The following KCNMA1 variants were observed in gnomAD, a reference collection of about 807,000 sequenced individuals.
The protein encoded by KCNMA1 is potassium calcium-activated channel subfamily M alpha 1.
In KCNMA1, 29 loss-of-function variants were observed where a neutral mutation model predicts 140.0. That is an observed-to-expected ratio of 0.21 (90% CI 0.15 to 0.28). The LOEUF is 0.28. KCNMA1 is among the 10% of genes least tolerant of loss of function. The pLI, the probability that KCNMA1 is intolerant of heterozygous loss-of-function variation, is 1.00. For missense variants in KCNMA1, 880 were observed against 1,602.2 expected (o/e 0.55, Z 7.70); for synonymous variants, 612 against 611.9 (o/e 1.00, Z 0.00).
In KCNMA1 at chr10:77,403,980, G is replaced by A. The variant is rs1002138627; in HGVS notation, c.422C>T (p.Thr141Ile). The A allele has an allele frequency of 1.9e-6, 3 of 1,614,044 alleles. No individual in the cohort carries two copies. Among genetic ancestry groups the A allele is most frequent in the East Asian group, 2.2e-5 (1 of 44,874 alleles). ...INNGSSQADG[T>I]LKPVDEKEEA... is the part of the protein sequence containing the mutation. ...CTCTTTTTCATCCACTGGTTTGAGAGTGCCATCCGCCTGGCTTGAGCCATT... is the reference window on the plus strand; with the variant it reads ...CTCTTTTTCATCCACTGGTTTGAGAATGCCATCCGCCTGGCTTGAGCCATT... Residue 141 changes from threonine to isoleucine, a missense_variant, in exon 2 of 28, where the codon ACT (threonine) becomes ATT (isoleucine). By Grantham distance (89) the Thr-to-Ile change is moderately conservative. Around this residue, in one of 13 missense-constraint regions of KCNMA1, gnomAD observed 54 missense variants for 56.4 expected, o/e 0.96. Transcript: ENST00000286628.
intron 1 of KCNMA1, among the ~76,000 whole-genome samples, chr10:77,486,293 C>T (rs757195753): frequency 1.3e-5 from 2 of 152,090 alleles, no homozygotes; most frequent in Non-Finnish European, 2.9e-5. Context: ...AGAGCAGGAC[C>T]GCAGAGAATG....
chr10:77,372,538 C>G (rs977798422), intron 2 of KCNMA1, among the ~76,000 whole-genome samples: 1 of 152,140 alleles, frequency 6.6e-6, no homozygotes, highest in Non-Finnish European at 1.5e-5. Flanking sequence ...TCTCTCTAGG[C>G]GCCGCAGTCC....
intron 3 of KCNMA1, among the ~76,000 whole-genome samples, chr10:77,205,225 C>T (rs1011282266): frequency 2.6e-5 from 4 of 152,178 alleles, no homozygotes; most frequent in African/African-American, 7.2e-5. Flanking sequence ...TCTCTCTTTG[C>T]TTCAAATGAT....
chr10:77,586,688 A>G (rs1274566092), intron 1 of KCNMA1, among the ~76,000 whole-genome samples: 1 of 152,234 alleles, frequency 6.6e-6, no homozygotes, highest in African/African-American at 2.4e-5. Context: ...TTCCCTCCAC[A>G]TAAAACATGT....
chr10:77,412,650 T>G (rs999198414), intron 1 of KCNMA1, among the ~76,000 whole-genome samples: 8 of 151,860 alleles, frequency 5.3e-5, no homozygotes, highest in African/African-American at 1.7e-4. Context: ...CATTGTGAGG[T>G]GCCCCAGGGG....
chr10:77,438,550 C>T (rs557216075), intron 1 of KCNMA1, among the ~76,000 whole-genome samples: 4 of 145,754 alleles, frequency 2.7e-5, no homozygotes, highest in East Asian at 2.0e-4. Context: ...GCAACAAGAG[C>T]GAAACTCTGT....
chr10:77,093,491 C>A (rs2096862010), intron 9 of KCNMA1, among the ~76,000 whole-genome samples: 1 of 152,106 alleles, frequency 6.6e-6, no homozygotes, highest in South Asian at 2.1e-4. Context: ...TGTTTGAATG[C>A]AGTTAGAATT....
chr10:77,254,166 T>C lies in KCNMA1; in HGVS notation c.541-2910A>G, dbSNP rs571626653. On this transcript the variant is annotated intron_variant, in intron 2 of 27. Coordinates refer to ENST00000286628, the MANE Select transcript of KCNMA1 (RefSeq NM_001161352.2). ...TCACCTAAGTATTTAACATATCCTATACATAAGGCCCAAGAAAAACAGAAG... is the reference window on the plus strand; with the variant it reads ...TCACCTAAGTATTTAACATATCCTACACATAAGGCCCAAGAAAAACAGAAG... Among the ~76,000 whole-genome samples, 4 of 151,526 alleles carry C rather than the reference T, an allele frequency of 2.6e-5. No individual in the cohort carries two copies. In the East Asian group the frequency reaches 7.8e-4, roughly 29 times the overall value.
chr10:77,324,629 A>T (rs2083341985), intron 2 of KCNMA1, among the ~76,000 whole-genome samples: 2 of 152,186 alleles, frequency 1.3e-5, no homozygotes, highest in Admixed American at 6.5e-5. Context: ...GACTGGACTC[A>T]AACTCCCATA....
chr10:77,139,817 G>T (rs1319406446), intron 5 of KCNMA1, among the ~76,000 whole-genome samples: 1 of 151,964 alleles, frequency 6.6e-6, no homozygotes, highest in Non-Finnish European at 1.5e-5. Context: ...GAATAAAAAA[G>T]TACCACCCAA....
intron 1 of KCNMA1, among the ~76,000 whole-genome samples, chr10:77,405,406 T>C (rs1021249204): frequency 2.6e-5 from 4 of 152,226 alleles, no homozygotes; most frequent in Admixed American, 6.5e-5. Context: ...CAGAGTTGGC[T>C]CAATAACCAT....
At chr10:77,143,386 G>A (rs553235648) in intron 5 of KCNMA1, among the ~76,000 whole-genome samples, 12 of 152,030 alleles carry the variant, frequency 7.9e-5, no homozygotes, top group South Asian at 4.2e-4. Flanking sequence ...ATAATGTGTC[G>A]TGCCCCCCAA....
chr10:77,104,225 T>A (rs2097156569), intron 9 of KCNMA1, among the ~76,000 whole-genome samples: 1 of 152,222 alleles, frequency 6.6e-6, no homozygotes, highest in Admixed American at 6.5e-5. Flanking sequence ...GTCCTGGGGC[T>A]TTAGGCTGCA....
intron 9 of KCNMA1, among the ~76,000 whole-genome samples, chr10:77,106,867 G>T (rs898476940): frequency 1.3e-5 from 2 of 152,168 alleles, no homozygotes; most frequent in African/African-American, 4.8e-5. Flanking sequence ...CCTCATCCAG[G>T]GCTGTTAAGA....
chr10:77,400,882 G>A lies in KCNMA1; in HGVS notation c.540+2980C>T, dbSNP rs1566590826. On this transcript the variant is annotated intron_variant, in intron 2 of 27. Transcript: ENST00000286628. ...CAGGAGAGTCTCAAGGTGGCCGCTG[G>A]GTGTGCTGGGCCCAATGAGTTCCAT... 2.0e-5 allele frequency among the ~76,000 whole-genome samples: 3 copies of A among 151,880 alleles called. No homozygotes were observed. In the East Asian group the frequency reaches 5.8e-4, roughly 29 times the overall value.
At chr10:77,380,915 A>G (rs1476215095) in intron 2 of KCNMA1, among the ~76,000 whole-genome samples, 3 of 152,220 alleles carry the variant, frequency 2.0e-5, no homozygotes, top group Admixed American at 6.5e-5. Flanking sequence ...GAGAAAGTGC[A>G]AAGTCTCCAA....
chr10:77,538,219 C>T (rs1330413595), intron 1 of KCNMA1, among the ~76,000 whole-genome samples: 13 of 151,862 alleles, frequency 8.6e-5, no homozygotes, highest in South Asian at 6.2e-4. Flanking sequence ...CTCATATTCA[C>T]ATACTCTACA....
chr10:77,613,691 A>G lies in KCNMA1; in HGVS notation c.378+23574T>C, dbSNP rs1258343422. On this transcript the variant is annotated intron_variant, in intron 1 of 27. Coordinates refer to ENST00000286628, the MANE Select transcript of KCNMA1 (RefSeq NM_001161352.2). ...CGACAGGATGTTTGCGTTCAAGCCA[A>G]AACTGCCTCCTCTATCCAACTTGCT... Among the ~76,000 whole-genome samples the G allele has an allele frequency of 2.0e-5, 3 of 152,204 alleles. No individual in the cohort carries two copies. In the East Asian group the frequency reaches 5.8e-4, roughly 29 times the overall value.
At chr10:77,025,563 G>C in intron 16 of KCNMA1, 1 of 904,160 alleles carries the variant, frequency 1.1e-6, no homozygotes, top group South Asian at 1.4e-5. Context: ...TCACTTGAAG[G>C]ATGCATGTGA....
Sources: gnomAD v4.1 joint callset for allele counts (sites outside exome capture counted in the v4.1 genomes callset) on GRCh38, gnomAD v4.1.1 for gene constraint, gnomAD v4.1.1 regional missense constraint, MANE v1.5 for transcripts, NCBI Gene and HGNC (gene_info 2026-07-23, HGNC 2026-07-21) for gene names.